ZNF407: variants seen among roughly 807,000 people sequenced by gnomAD.
The protein encoded by ZNF407 is zinc finger protein 407.
Under a neutral mutation model 131.2 loss-of-function variants are expected in ZNF407, and 17 were observed. That is an observed-to-expected ratio of 0.13 (90% CI 0.09 to 0.19). The LOEUF (loss-of-function observed/expected upper bound fraction) is 0.19, where lower values mean the gene tolerates loss of function less well. Among genes scored for constraint, ZNF407 ranks in the 10% least tolerant of loss-of-function variants. The probability of loss-of-function intolerance (pLI) is 1.00; values close to 1 mark genes in which losing one functional copy is unlikely to be tolerated. For synonymous variants in ZNF407, 1,156 were observed against 1,062.0 expected, an observed-to-expected ratio of 1.09 and a Z score of -1.72; for missense variants, 2,681 against 2,830.6, an observed-to-expected ratio of 0.95 and a Z score of 1.20.
intron 8 of ZNF407, among the ~76,000 whole-genome samples, chr18:74,957,353 C>T (rs540309887): frequency 3.2e-4 from 49 of 152,088 alleles, no homozygotes; most frequent in Non-Finnish European, 6.3e-4. Flanking sequence ...GCTTCACTCG[C>T]GGCCAGCTTA....
chr18:74,883,905 A>G (rs1971272661), intron 6 of ZNF407, among the ~76,000 whole-genome samples: 2 of 152,208 alleles, frequency 1.3e-5, no homozygotes, highest in Admixed American at 1.3e-4. Flanking sequence ...TGTAGGAGGG[A>G]AACAGGAGGA....
chr18:75,031,453 G>T (rs1365336907), intron 8 of ZNF407, among the ~76,000 whole-genome samples: 1 of 152,184 alleles, frequency 6.6e-6, no homozygotes, highest in African/African-American at 2.4e-5. Flanking sequence ...AGTCTTTAGA[G>T]TGTGAGGAAA....
At chr18:74,641,537 T>C (rs982686881) in intron 3 of ZNF407, among the ~76,000 whole-genome samples, 5 of 152,208 alleles carry the variant, frequency 3.3e-5, no homozygotes, top group Non-Finnish European at 5.9e-5. Flanking sequence ...ATTGGACTTA[T>C]TCTGTAAGGA....
chr18:74,806,556 C>G (rs1970112668), intron 4 of ZNF407, among the ~76,000 whole-genome samples: 1 of 152,134 alleles, frequency 6.6e-6, no homozygotes, highest in Non-Finnish European at 1.5e-5. Context: ...AAGATGTGGA[C>G]TGTTGTGAGG....
intron 8 of ZNF407, among the ~76,000 whole-genome samples, chr18:75,015,852 G>A (rs1373016): frequency 0.92 from 140,140 of 151,940 alleles, 65,341 homozygotes; most frequent in East Asian, 1. Context: ...ACAGATTCTG[G>A]ACTTCTTCTG....
At chr18:74,603,645 G>A (rs575080853) in intron 1 of ZNF407, among the ~76,000 whole-genome samples, 4 of 152,240 alleles carry the variant, frequency 2.6e-5, no homozygotes, top group Non-Finnish European at 5.9e-5. Flanking sequence ...ATTGACGCCT[G>A]TGAAACAATA....
intron 3 of ZNF407, among the ~76,000 whole-genome samples, chr18:74,688,373 A>T (rs188157244): frequency 6.6e-6 from 1 of 152,384 alleles, no homozygotes; most frequent in African/African-American, 2.4e-5. Context: ...ATAGGAGCCT[A>T]ACAGATATCT....
intron 8 of ZNF407, among the ~76,000 whole-genome samples, chr18:75,019,749 C>T (rs928065767): frequency 6.6e-6 from 1 of 152,078 alleles, no homozygotes; most frequent in Non-Finnish European, 1.5e-5. Context: ...GCACAGGAGG[C>T]ATGGCTGGGG....
intron 3 of ZNF407, among the ~76,000 whole-genome samples, chr18:74,758,888 T>C (rs1386985081): frequency 6.6e-6 from 1 of 152,184 alleles, no homozygotes; most frequent in African/African-American, 2.4e-5. Flanking sequence ...CCAAAAAATA[T>C]ATTTATAGTT....
intron 8 of ZNF407, among the ~76,000 whole-genome samples, chr18:75,003,826 T>A (rs1972876124): frequency 6.6e-6 from 1 of 152,156 alleles, no homozygotes; most frequent in African/African-American, 2.4e-5. Flanking sequence ...TCAACAAAAA[T>A]TGTCAGGTCA....
At chr18:74,890,271 A>G (rs1971366196) in intron 7 of ZNF407, among the ~76,000 whole-genome samples, 1 of 152,166 alleles carries the variant, frequency 6.6e-6, no homozygotes, top group Non-Finnish European at 1.5e-5. Context: ...CCCCTACCCC[A>G]CACGTGTAGA....
intron 3 of ZNF407, among the ~76,000 whole-genome samples, chr18:74,675,099 A>G (rs1300766582): frequency 2.0e-5 from 3 of 152,188 alleles, no homozygotes; most frequent in Non-Finnish European, 4.4e-5. Context: ...TCTACTCACT[A>G]ACTGCTCACT....
chr18:75,058,277 A>T (rs1973584607), intron 8 of ZNF407, among the ~76,000 whole-genome samples: 1 of 152,138 alleles, frequency 6.6e-6, no homozygotes, highest in African/African-American at 2.4e-5. Flanking sequence ...CCAAAAGCAA[A>T]TCCTCAGACA....
intron 1 of ZNF407, among the ~76,000 whole-genome samples, chr18:74,628,872 G>A (rs2144655170): frequency 6.6e-6 from 1 of 152,240 alleles, no homozygotes; most frequent in African/African-American, 2.4e-5. Flanking sequence ...GAGCTACCGT[G>A]CCTGGCCGAT....
Position 74,634,660 on chromosome 18 carries a change from A to C in ZNF407, c.3641A>C (p.Lys1214Thr). 1 of 1,614,036 alleles carries C rather than the reference A, an allele frequency of 6.2e-7. No homozygotes were observed. Among genetic ancestry groups the C allele is most frequent in the Non-Finnish European group, 8.5e-7 (1 of 1,179,900 alleles). Reference sequence around the variant, plus strand: ...TCTGCCTTAAATTGTGAGACAGCAAAGAAAAACCATGAGATATCGAATGAT... The same window carrying C: ...TCTGCCTTAAATTGTGAGACAGCAACGAAAAACCATGAGATATCGAATGAT... ...GSSALNCETA[K>T]KNHEISNDAG... Residue 1214 changes from lysine (K) to threonine (T), a missense_variant, in exon 2 of 9, where the codon AAG (lysine) becomes ACG (threonine). Lys to Thr is a moderately conservative substitution (Grantham distance 78). This residue lies in a region of ZNF407 where 1,789 missense variants were observed against 1,748.7 expected (regional missense o/e 1.02). Transcript: ENST00000299687.
intron 3 of ZNF407, among the ~76,000 whole-genome samples, chr18:74,762,565 T>C (rs1969120205): frequency 6.6e-6 from 1 of 152,138 alleles, no homozygotes; most frequent in African/African-American, 2.4e-5. Flanking sequence ...TCCCATTTTT[T>C]CCATTGTAAT....
intron 4 of ZNF407, among the ~76,000 whole-genome samples, chr18:74,793,123 TC>T (rs1212677052): frequency 1.3e-5 from 2 of 152,228 alleles, no homozygotes; most frequent in Non-Finnish European, 2.9e-5. Context: ...AGAATGTGGA[TC>T]TCAGTATTGT....
chr18:75,036,838 A>G (rs1359337799), intron 8 of ZNF407, among the ~76,000 whole-genome samples: 1 of 152,246 alleles, frequency 6.6e-6, no homozygotes, highest in Non-Finnish European at 1.5e-5. Context: ...TTTAAGTACC[A>G]TATTTTATTT....
chr18:74,706,689 G>A (rs1286584171), intron 3 of ZNF407, among the ~76,000 whole-genome samples: 1 of 152,192 alleles, frequency 6.6e-6, no homozygotes, highest in East Asian at 1.9e-4. Flanking sequence ...GAAAAATAAA[G>A]CAAAGGGATT....
Sources: gnomAD v4.1 joint callset for allele counts (sites outside exome capture counted in the v4.1 genomes callset) on GRCh38, gnomAD v4.1.1 for gene constraint, gnomAD v4.1.1 regional missense constraint, MANE v1.5 for transcripts, NCBI Gene and HGNC (gene_info 2026-07-23, HGNC 2026-07-21) for gene names.